KITLG: variants seen among roughly 807,000 people sequenced by gnomAD.
KITLG encodes KIT ligand.
Under a neutral mutation model 34.1 loss-of-function variants are expected in KITLG, and 13 were observed. The observed-to-expected ratio is 0.38, with a 90% confidence interval of 0.25 to 0.61. The LOEUF is 0.61. Among genes scored for constraint, KITLG ranks in the 20% least tolerant of loss-of-function variants. The pLI, the probability that KITLG is intolerant of heterozygous loss-of-function variation, is 0.60. For synonymous variants in KITLG, 110 were observed against 104.0 expected (o/e 1.06, Z -0.35); for missense variants, 292 against 318.9 (o/e 0.92, Z 0.64).
chr12:88,506,546 G>A (rs1869068173), intron 7 of KITLG, among the ~76,000 whole-genome samples, 168 bp from the exon 8 acceptor site: 1 of 152,104 alleles, frequency 6.6e-6, no homozygotes, highest in Non-Finnish European at 1.5e-5. Flanking sequence ...AAAGCTGCAT[G>A]GTACTATCAA....
intron 3 of KITLG, among the ~76,000 whole-genome samples, chr12:88,530,493 T>C (rs1870044871): frequency 6.6e-6 from 1 of 152,008 alleles, no homozygotes; most frequent in South Asian, 2.1e-4. Flanking sequence ...GGCCACATAA[T>C]CCCCCCTGCC....
intron 1 of KITLG, among the ~76,000 whole-genome samples, chr12:88,579,703 C>G (rs1398490666): frequency 1.3e-5 from 2 of 152,030 alleles, no homozygotes; most frequent in Admixed American, 6.5e-5. Context: ...CCAAGTTTCC[C>G]GGGCAGGCGG....
chr12:88,522,516 C>T (rs1285523550), intron 3 of KITLG, among the ~76,000 whole-genome samples: 1 of 151,290 alleles, frequency 6.6e-6, no homozygotes, highest in Non-Finnish European at 1.5e-5. Context: ...CAACCTCTGC[C>T]TCCTGGGTTC....
chr12:88,542,749 C>T (rs1415448278), intron 2 of KITLG, among the ~76,000 whole-genome samples: 1 of 152,090 alleles, frequency 6.6e-6, no homozygotes, highest in Non-Finnish European at 1.5e-5. Context: ...AGGGTTCTCA[C>T]ACCCCATCTC....
At chr12:88,571,129 A>AGG (rs1871637347) in intron 1 of KITLG, among the ~76,000 whole-genome samples, 1 of 152,222 alleles carries the variant, frequency 6.6e-6, no homozygotes, top group African/African-American at 2.4e-5. Context: ...TGAAAGCCCT[A>AGG]TAGCCAAAGC....
At chr12:88,542,902 T>C (rs1870573312) in intron 2 of KITLG, among the ~76,000 whole-genome samples, 1 of 152,126 alleles carries the variant, frequency 6.6e-6, no homozygotes, top group Non-Finnish European at 1.5e-5. Flanking sequence ...TCCTTATAAG[T>C]CTATACAACA....
intron 1 of KITLG, among the ~76,000 whole-genome samples, chr12:88,563,885 C>G (rs1020820957): frequency 2.0e-5 from 3 of 151,986 alleles, no homozygotes; most frequent in African/African-American, 7.3e-5. Flanking sequence ...TTGCTTGAAC[C>G]CGGGAGGCAG....
intron 1 of KITLG, among the ~76,000 whole-genome samples, chr12:88,578,118 T>A (rs1871891819): frequency 6.6e-6 from 1 of 152,200 alleles, no homozygotes; most frequent in Non-Finnish European, 1.5e-5. Context: ...ACAGAAAATG[T>A]CTTTGTAATT....
chr12:88,560,061 T>C (rs1266376827), intron 1 of KITLG, among the ~76,000 whole-genome samples: 2 of 152,218 alleles, frequency 1.3e-5, no homozygotes, highest in Non-Finnish European at 2.9e-5. Flanking sequence ...CGTGTTGTAA[T>C]CCAGAGCAAA....
rs1871364367 is a variant in KITLG, at chr12:88,563,806, CA to C, written c.15+16457del. Among the ~76,000 whole-genome samples the C allele has an allele frequency of 2.6e-5, 4 of 152,018 alleles. No homozygotes were observed. The South Asian group carries it at 8.3e-4, about 31-fold the overall frequency. On this transcript the variant is annotated intron_variant, in intron 1 of 9. Coordinates refer to ENST00000644744, the MANE Select transcript of KITLG (RefSeq NM_000899.5). ...GGAAACCCCACCTCTACTAAAAATA[CA>C]AAAAATTAGCTGGGCATGGTGGTGG...
At chr12:88,564,593 T>C (rs1871387197) in intron 1 of KITLG, among the ~76,000 whole-genome samples, 1 of 152,230 alleles carries the variant, frequency 6.6e-6, no homozygotes, top group Admixed American at 6.5e-5. Context: ...TTATCTCCTC[T>C]TCTTTATGGT....
intron 1 of KITLG, among the ~76,000 whole-genome samples, chr12:88,577,383 T>A (rs1458946061): frequency 6.6e-6 from 1 of 152,154 alleles, no homozygotes; most frequent in Non-Finnish European, 1.5e-5. Context: ...ATGACACTTC[T>A]CACAAACCAT....
In KITLG at chr12:88,580,398, C is replaced by A. The variant is rs1871977698; in HGVS notation, c.-120G>T. The A allele has an allele frequency of 2.6e-6, 3 of 1,163,154 alleles. No individual in the cohort carries two copies. Among genetic ancestry groups the A allele is most frequent in the Non-Finnish European group, 3.8e-6 (3 of 792,654 alleles). 72.1% of individuals were successfully genotyped at this position (1,163,154 alleles called of 1,614,324 possible). A position where few individuals can be genotyped will look rare whatever the true frequency, so the allele number is the denominator to read the frequency against. On this transcript the variant is annotated 5_prime_UTR_variant, in exon 1 of 10. Transcript: ENST00000644744. The stretch of plus-strand genomic sequence containing the variant: ...CAGATAGTCCACGCATTGGGTAGCC[C>A]GAGCGCAGCGCCCTCTCCACTGTCC...
At chr12:88,527,660 C>G (rs1352199654) in intron 3 of KITLG, among the ~76,000 whole-genome samples, 12 of 152,112 alleles carry the variant, frequency 7.9e-5, no homozygotes, top group Admixed American at 7.2e-4. Context: ...GTGTCTCTCC[C>G]CAAATTGTGA....
intron 6 of KITLG, among the ~76,000 whole-genome samples, chr12:88,513,340 AAAGGGCTAGAAATAAGGAACAG>A: frequency 6.6e-6 from 1 of 151,876 alleles, no homozygotes; most frequent in Admixed American, 6.6e-5. Context: ...AACCAAAAAA[AAAGGGCTAGAAATAAGGAACAG>A]AAGGTCAATA....
intron 1 of KITLG, among the ~76,000 whole-genome samples, chr12:88,551,120 T>C (rs1226536901): frequency 6.6e-6 from 1 of 152,220 alleles, no homozygotes; most frequent in Non-Finnish European, 1.5e-5. Context: ...CCCTTTATTT[T>C]AAAGCCATTA....
At chr12:88,570,512 A>G (rs1227952565) in intron 1 of KITLG, among the ~76,000 whole-genome samples, 2 of 142,746 alleles carry the variant, frequency 1.4e-5, no homozygotes, top group Admixed American at 7.8e-5. Context: ...CTCCACAAAT[A>G]AATTAGAAAA....
intron 3 of KITLG, among the ~76,000 whole-genome samples, chr12:88,529,629 T>C (rs572617986): frequency 6.6e-6 from 1 of 152,344 alleles, no homozygotes; most frequent in South Asian, 2.1e-4. Context: ...TGGGCAGAAT[T>C]TTATTGCTTT....
chr12:88,574,165 A>T (rs920318710), intron 1 of KITLG, among the ~76,000 whole-genome samples: 2 of 151,618 alleles, frequency 1.3e-5, no homozygotes, highest in Non-Finnish European at 1.5e-5. Flanking sequence ...GAAGAACATT[A>T]TCTTCATGGT....
Sources: gnomAD v4.1 joint callset for allele counts (sites outside exome capture counted in the v4.1 genomes callset) on GRCh38, gnomAD v4.1.1 for gene constraint, MANE v1.5 for transcripts, NCBI Gene and HGNC (gene_info 2026-07-23, HGNC 2026-07-21) for gene names.